The following NXN variants were observed in gnomAD, a reference collection of about 807,000 sequenced individuals.
NXN encodes nucleoredoxin 1.
Under a neutral mutation model 48.6 loss-of-function variants are expected in NXN, and 16 were observed. That is an observed-to-expected ratio of 0.33 (90% confidence interval 0.22 to 0.50). NXN has a LOEUF of 0.50. Ranked by LOEUF, NXN falls within the 20% of genes least tolerant of loss-of-function variation. NXN has a pLI of 0.98. For synonymous variants in NXN, 281 were observed against 269.6 expected (o/e 1.04, Z -0.41); for missense variants, 492 against 605.5 (o/e 0.81, Z 1.97).
intron 1 of NXN, among the ~76,000 whole-genome samples, chr17:964,840 T>C (rs569972765): frequency 3.3e-4 from 51 of 152,374 alleles, no homozygotes; most frequent in African/African-American, 1.2e-3. Flanking sequence ...AGTGACTGTC[T>C]ATGGATAATT....
At chr17:847,231 T>C (rs975570491) in intron 1 of NXN, among the ~76,000 whole-genome samples, 1 of 152,016 alleles carries the variant, frequency 6.6e-6, no homozygotes. Context: ...GGGCTTTTTT[T>C]TTTTCCCTTC....
chr17:839,383 C>T (rs892153540), intron 1 of NXN, among the ~76,000 whole-genome samples: 1 of 151,586 alleles, frequency 6.6e-6, no homozygotes, highest in Non-Finnish European at 1.5e-5. Flanking sequence ...TGCAGTGAGC[C>T]GAGGTCACAC....
At chr17:895,371 T>A (rs906806141) in intron 1 of NXN, among the ~76,000 whole-genome samples, 2 of 151,450 alleles carry the variant, frequency 1.3e-5, no homozygotes, top group Non-Finnish European at 2.9e-5. Context: ...GAAAAGAGGG[T>A]ACCCAAAGAA....
chr17:817,527 G>A (rs1000261087), intron 5 of NXN, among the ~76,000 whole-genome samples: 4 of 151,986 alleles, frequency 2.6e-5, no homozygotes, highest in Non-Finnish European at 4.4e-5. Flanking sequence ...AAATTTAGCC[G>A]GGCGTGTGGT....
At chr17:817,256 G>A (rs1302306037) in intron 5 of NXN, among the ~76,000 whole-genome samples, 1 of 152,142 alleles carries the variant, frequency 6.6e-6, no homozygotes, top group Admixed American at 6.6e-5. Flanking sequence ...ATCTCCAGGT[G>A]ATTCTCATAT....
At chr17:912,110 C>G (rs138878102) in intron 1 of NXN, among the ~76,000 whole-genome samples, 1,585 of 151,806 alleles carry the variant, frequency 0.01, 26 homozygotes, top group African/African-American at 0.034. Context: ...GCTAATTTTT[C>G]TATTTTTAGT....
At chr17:806,965 CAT>C (rs1352825670) in intron 5 of NXN, among the ~76,000 whole-genome samples, 7 of 152,302 alleles carry the variant, frequency 4.6e-5, no homozygotes, top group African/African-American at 1.7e-4. Context: ...CCCACACACA[CAT>C]GCGGCCGGCT....
chr17:892,535 C>G (rs2068434010), intron 1 of NXN, among the ~76,000 whole-genome samples: 1 of 152,116 alleles, frequency 6.6e-6, no homozygotes. Flanking sequence ...CAAGCTCATC[C>G]CCACCCACAA....
chr17:965,041 C>A (rs564398397), intron 1 of NXN, among the ~76,000 whole-genome samples: 1 of 152,146 alleles, frequency 6.6e-6, no homozygotes, highest in Non-Finnish European at 1.5e-5. Flanking sequence ...ACAAGCTCTG[C>A]GCCTTCTGGA....
At chr17:809,929 G>A (rs1911827829) in intron 5 of NXN, among the ~76,000 whole-genome samples, 1 of 144,662 alleles carries the variant, frequency 6.9e-6, no homozygotes, top group Non-Finnish European at 1.6e-5. Context: ...AAGAGTCCGT[G>A]TGAGTGGCGT....
rs574398546 is a variant in NXN at position 920,747 on chromosome 17, G to C, written c.360+58572C>G. ...TTTTTTTTTTTTTTCCTTTGAAACA[G>C]AGTCTCGCCCTGTTGCCCAGGCTGG... On this transcript the variant is annotated intron_variant, in intron 1 of 7. Transcript: ENST00000336868. The surrounding 1 kb of genome is among the most constrained non-coding windows in gnomAD (Gnocchi z 4.6). Among the ~76,000 whole-genome samples, 4 of 148,748 alleles carry C rather than the reference G, an allele frequency of 2.7e-5. No individual in the cohort carries two copies. Among genetic ancestry groups the C allele is most frequent in the African/African-American group, 9.9e-5 (4 of 40,282 alleles).
At chr17:970,053 T>C (rs546113049) in intron 1 of NXN, among the ~76,000 whole-genome samples, 1 of 152,240 alleles carries the variant, frequency 6.6e-6, no homozygotes, top group Non-Finnish European at 1.5e-5. Context: ...TAAAAGGACT[T>C]TCTGATGTAG....
At position 897,023 on chromosome 17, in the gene NXN, C is replaced by T. The variant is rs370602520; in HGVS notation, c.361-70945G>A. On this transcript the variant is annotated intron_variant, in intron 1 of 7. Transcript: ENST00000336868. ...TACACGGACTCCGTAATGGAAACTC[C>T]GGCGTGCCTAACAACAGCGTCACTG... The T allele has an allele frequency of 8.0e-5, 88 of 1,096,544 alleles. 1 individual carries two copies. The highest frequency in any genetic ancestry group is 5.4e-4 in the Admixed American group (10 of 18,438). 67.9% of individuals were successfully genotyped at this position (1,096,544 alleles called of 1,614,324 possible).
chr17:851,201 C>G (rs1034201440), intron 1 of NXN, among the ~76,000 whole-genome samples: 1 of 152,236 alleles, frequency 6.6e-6, no homozygotes, highest in Non-Finnish European at 1.5e-5. Flanking sequence ...TGTCCAAAAG[C>G]CGGGGGATGC....
intron 1 of NXN, among the ~76,000 whole-genome samples, chr17:963,771 G>A (rs1426725040): frequency 6.6e-6 from 1 of 152,018 alleles, no homozygotes; most frequent in Non-Finnish European, 1.5e-5. Flanking sequence ...GAGGATTATT[G>A]TTACAGTTAA....
chr17:832,189 CTTTTT>C (rs1913514627), intron 1 of NXN, among the ~76,000 whole-genome samples: 2 of 148,414 alleles, frequency 1.3e-5, no homozygotes, highest in Non-Finnish European at 3.0e-5. Flanking sequence ...ATTTTTTTTT[CTTTTT>C]TGAGATGGAG....
chr17:830,244 A>G lies in NXN; in HGVS notation c.361-4166T>C, dbSNP rs1913382040. On this transcript the variant is annotated intron_variant, in intron 1 of 7. Transcript: ENST00000336868. This position sits in a 1 kb window ranked among gnomAD's most constrained non-coding sequence, Gnocchi z 4.2. ...GCCCACTGTGTGCCAGGCTCGTTCT[A>G]AGCACAAGAGATTCAGTTAAGAGCA... Among the ~76,000 whole-genome samples the G allele has an allele frequency of 6.6e-6, 1 of 152,200 alleles. No individual in the cohort carries two copies. The highest frequency in any genetic ancestry group is 1.5e-5 in the Non-Finnish European group (1 of 68,036).
intron 1 of NXN, among the ~76,000 whole-genome samples, chr17:972,438 C>T (rs778860455): frequency 3.9e-5 from 6 of 152,006 alleles, no homozygotes; most frequent in Non-Finnish European, 5.9e-5. Context: ...GATCGCGCCA[C>T]TGCTCTCCAG....
At chr17:878,337 C>G (rs796488788) in intron 1 of NXN, 10 of 131,736 alleles carry the variant, frequency 7.6e-5, no homozygotes, top group African/African-American at 2.8e-4. Context: ...GCAGAGTGTG[C>G]AAAGGTGAGG....
Sources: allele counts gnomAD v4.1 joint callset (sites outside exome capture counted in the v4.1 genomes callset), GRCh38; gene constraint gnomAD v4.1.1; non-coding constraint Gnocchi (gnomAD v3.1); transcripts MANE v1.5; gene names NCBI Gene and HGNC (gene_info 2026-07-23, HGNC 2026-07-21).